PRKG1: variants seen among roughly 807,000 people sequenced by gnomAD.
The protein encoded by PRKG1 is cGMP-dependent protein kinase 1.
In PRKG1, 35 loss-of-function variants were observed where a neutral mutation model predicts 88.1. That is an observed-to-expected ratio of 0.40 (90% CI 0.30 to 0.53). The LOEUF (loss-of-function observed/expected upper bound fraction) is 0.53, where lower values mean the gene tolerates loss of function less well. Among genes scored for constraint, PRKG1 ranks in the 20% least tolerant of loss-of-function variants. The pLI, the probability that PRKG1 is intolerant of heterozygous loss-of-function variation, is 0.59. For synonymous variants in PRKG1, 303 were observed against 292.5 expected, an observed-to-expected ratio of 1.04 and a Z score of -0.37; for missense variants, 540 against 839.8, an observed-to-expected ratio of 0.64 and a Z score of 4.41.
chr10:51,994,780 A>G (rs555306368), intron 5 of PRKG1, among the ~76,000 whole-genome samples: 2 of 152,308 alleles, frequency 1.3e-5, no homozygotes, highest in East Asian at 3.9e-4. Flanking sequence ...AAGGGAAGGA[A>G]GTACTGTTTT....
At chr10:51,031,572 G>A (rs1264279763) in intron 1 of PRKG1, among the ~76,000 whole-genome samples, 2 of 152,170 alleles carry the variant, frequency 1.3e-5, no homozygotes, top group East Asian at 1.9e-4. Flanking sequence ...TGAGTGGCCA[G>A]TGTGCATCAA....
intron 9 of PRKG1, among the ~76,000 whole-genome samples, chr10:52,178,392 T>G (rs755503242): frequency 6.6e-6 from 1 of 152,134 alleles, no homozygotes; most frequent in Non-Finnish European, 1.5e-5. Flanking sequence ...TAAAATTTTT[T>G]AATATTTTGA....
At chr10:51,181,828 G>GA (rs1387406906) in intron 2 of PRKG1, among the ~76,000 whole-genome samples, 3 of 152,322 alleles carry the variant, frequency 2.0e-5, no homozygotes, top group Admixed American at 6.5e-5. Flanking sequence ...TGACCATGGA[G>GA]CTTGTTCTTA....
intron 1 of PRKG1, among the ~76,000 whole-genome samples, chr10:51,141,179 G>A (rs1448839647): frequency 6.6e-6 from 1 of 152,068 alleles, no homozygotes; most frequent in East Asian, 1.9e-4. Flanking sequence ...TAACTAGCTG[G>A]AGGCCTTCAC....
At chr10:51,352,919 AAAC>A (rs1316617476) in intron 2 of PRKG1, among the ~76,000 whole-genome samples, 5 of 152,074 alleles carry the variant, frequency 3.3e-5, no homozygotes, top group Admixed American at 2.0e-4. Flanking sequence ...CAAACAAAAC[AAAC>A]AACAACAACA....
intron 1 of PRKG1, among the ~76,000 whole-genome samples, chr10:51,011,831 C>T (rs1842997619): frequency 6.6e-6 from 1 of 152,140 alleles, no homozygotes; most frequent in Non-Finnish European, 1.5e-5. Flanking sequence ...TCTCATGCTG[C>T]TGATAAAGAC....
chr10:51,275,716 A>G (rs1467734650), intron 2 of PRKG1, among the ~76,000 whole-genome samples: 1 of 152,208 alleles, frequency 6.6e-6, no homozygotes, highest in African/African-American at 2.4e-5. Flanking sequence ...ATCTTAGAGA[A>G]GTAAACTTTC....
intron 3 of PRKG1, among the ~76,000 whole-genome samples, chr10:51,574,812 A>G (rs776722645): frequency 1.5e-4 from 23 of 151,938 alleles, no homozygotes; most frequent in South Asian, 6.2e-4. Context: ...CACATTTTAT[A>G]TACATGAGAT....
chr10:51,124,483 C>G (rs572471842), intron 1 of PRKG1, among the ~76,000 whole-genome samples: 3 of 151,826 alleles, frequency 2.0e-5, no homozygotes, highest in Non-Finnish European at 2.9e-5. Context: ...GAAAGTTGAC[C>G]CATGTTTGTG....
intron 9 of PRKG1, among the ~76,000 whole-genome samples, chr10:52,193,487 G>A (rs1449762088): frequency 7.1e-6 from 1 of 141,392 alleles, no homozygotes; most frequent in African/African-American, 2.7e-5. Context: ...GGTGGAGGTT[G>A]CAGTGAGCTG....
At chr10:51,462,344 T>G (rs1839768716) in intron 2 of PRKG1, among the ~76,000 whole-genome samples, 1 of 152,228 alleles carries the variant, frequency 6.6e-6, no homozygotes, top group Non-Finnish European at 1.5e-5. Context: ...AAGCTGATTC[T>G]ACTTATCATG....
chr10:52,213,708 A>G (rs1349632713), intron 9 of PRKG1, among the ~76,000 whole-genome samples: 2 of 152,192 alleles, frequency 1.3e-5, no homozygotes, highest in Non-Finnish European at 2.9e-5. Flanking sequence ...CTGACTCAGC[A>G]GTGGGAGAGA....
chr10:51,243,379 C>T (rs1839204742), intron 2 of PRKG1, among the ~76,000 whole-genome samples: 1 of 152,174 alleles, frequency 6.6e-6, no homozygotes, highest in African/African-American at 2.4e-5. Context: ...AGCTGTGAAG[C>T]CAGAGCAGTC....
At chr10:51,353,541 A>T (rs951970194) in intron 2 of PRKG1, among the ~76,000 whole-genome samples, 51 of 152,212 alleles carry the variant, frequency 3.4e-4, no homozygotes, top group African/African-American at 1.0e-3. Flanking sequence ...AAACAGGCAT[A>T]TGAAAAAGTG....
chr10:51,092,292 T>C (rs28438967), intron 1 of PRKG1, among the ~76,000 whole-genome samples: 13,041 of 152,232 alleles, frequency 0.086, 1,797 homozygotes, highest in African/African-American at 0.29. Context: ...TTCAGTTCTT[T>C]AGATGTGCCT....
chr10:52,003,068 ATGG>A (rs749093009), intron 5 of PRKG1, among the ~76,000 whole-genome samples: 1 of 152,134 alleles, frequency 6.6e-6, no homozygotes, highest in Non-Finnish European at 1.5e-5. Context: ...GCCTCCTTGC[ATGG>A]TGTTTAAGCC....
At chr10:51,067,842 G>A (rs1843772183) in intron 1 of PRKG1, among the ~76,000 whole-genome samples, 1 of 151,902 alleles carries the variant, frequency 6.6e-6, no homozygotes, top group African/African-American at 2.4e-5. Context: ...TCATTATATA[G>A]GTGTTTGAAC....
At chr10:51,121,098 A>T (rs1317502958) in intron 1 of PRKG1, among the ~76,000 whole-genome samples, 1 of 152,168 alleles carries the variant, frequency 6.6e-6, no homozygotes, top group Non-Finnish European at 1.5e-5. Context: ...CTCATATTGC[A>T]TTACTGAGAT....
chr10:51,222,325 T>C (rs2132093152), intron 2 of PRKG1, among the ~76,000 whole-genome samples: 1 of 152,312 alleles, frequency 6.6e-6, no homozygotes, highest in Admixed American at 6.5e-5. Flanking sequence ...TGCCTCATTT[T>C]CTTTTTCCAC....
Sources: gnomAD v4.1 joint callset for allele counts (sites outside exome capture counted in the v4.1 genomes callset) on GRCh38, gnomAD v4.1.1 for gene constraint, MANE v1.5 for transcripts, NCBI Gene and HGNC (gene_info 2026-07-23, HGNC 2026-07-21) for gene names.